The following TMEM135 variants were observed in gnomAD, a reference collection of about 807,000 sequenced individuals.
TMEM135 encodes peroxisomal membrane protein 52.
Under a neutral mutation model 60.3 loss-of-function variants are expected in TMEM135, and 30 were observed. The observed-to-expected ratio is 0.50, with a 90% confidence interval of 0.37 to 0.68. The LOEUF is 0.68. Among genes scored for constraint, TMEM135 ranks in the 30% least tolerant of loss-of-function variants. TMEM135 has a pLI of 0.00. For missense variants in TMEM135, 468 were observed against 548.8 expected (o/e 0.85, Z 1.47); for synonymous variants, 190 against 186.7 (o/e 1.02, Z -0.14).
intron 4 of TMEM135, chr11:87,095,031 A>G (rs903040620): frequency 1.6e-5 from 3 of 187,218 alleles, no homozygotes; most frequent in East Asian, 1.2e-4. Context: ...GGGGTGTTCA[A>G]TGGGTTTCCA....
intron 5 of TMEM135, 69 bp from the exon 6 acceptor site, chr11:87,236,569 C>T: frequency 7.2e-7 from 1 of 1,387,886 alleles, no homozygotes; most frequent in Non-Finnish European, 1.0e-6. Flanking sequence ...TAGTATTTTG[C>T]TTTTATGAGT....
intron 6 of TMEM135, among the ~76,000 whole-genome samples, chr11:87,238,765 T>C (rs1941063438): frequency 6.6e-6 from 1 of 152,044 alleles, no homozygotes; most frequent in African/African-American, 2.4e-5. Context: ...CCTGAAGATA[T>C]AGCATACCCA....
At chr11:87,169,743 T>C (rs1050948169) in intron 5 of TMEM135, among the ~76,000 whole-genome samples, 1 of 152,168 alleles carries the variant, frequency 6.6e-6, no homozygotes, top group African/African-American at 2.4e-5. Flanking sequence ...ATATTTTCCT[T>C]CATTTCAACC....
At chr11:87,058,125 GC>G (rs773902875) in intron 1 of TMEM135, among the ~76,000 whole-genome samples, 20 of 152,156 alleles carry the variant, frequency 1.3e-4, no homozygotes, top group Non-Finnish European at 2.4e-4. Context: ...AGAGGATGAA[GC>G]CTACTCACAT....
chr11:87,089,457 C>G (rs911219468), intron 3 of TMEM135, among the ~76,000 whole-genome samples: 1 of 152,166 alleles, frequency 6.6e-6, no homozygotes, highest in Non-Finnish European at 1.5e-5. Flanking sequence ...GCAGTAAGAT[C>G]ACTTGAGCCC....
At chr11:87,130,201 G>C (rs757447592) in intron 4 of TMEM135, among the ~76,000 whole-genome samples, 40 of 150,934 alleles carry the variant, frequency 2.7e-4, no homozygotes, top group Middle Eastern at 3.2e-3. Flanking sequence ...AAGGAGTCTT[G>C]AGAGTACCAG....
chr11:87,259,989 G>A (rs549294508), intron 6 of TMEM135, among the ~76,000 whole-genome samples: 1 of 152,268 alleles, frequency 6.6e-6, no homozygotes, highest in Admixed American at 6.5e-5. Context: ...TAAAGAGGAG[G>A]AGAACACAGC....
At chr11:87,089,457 C>A (rs911219468) in intron 3 of TMEM135, among the ~76,000 whole-genome samples, 1 of 152,048 alleles carries the variant, frequency 6.6e-6, no homozygotes, top group Non-Finnish European at 1.5e-5. Context: ...GCAGTAAGAT[C>A]ACTTGAGCCC....
chr11:87,120,472 C>CTTTTCTT (rs1555106509), intron 4 of TMEM135, among the ~76,000 whole-genome samples: 6 of 104,226 alleles, frequency 5.8e-5, no homozygotes, highest in African/African-American at 1.8e-4. Flanking sequence ...GATGAAATTT[C>CTTTTCTT]TTTTTTTTTT....
chr11:87,320,953 G>T (rs181239455), intron 14 of TMEM135, among the ~76,000 whole-genome samples: 17 of 152,192 alleles, frequency 1.1e-4, no homozygotes, highest in African/African-American at 3.4e-4. Flanking sequence ...TGTAATCTCT[G>T]CGGTTTCAGA....
At chr11:87,191,186 A>G (rs1357555954) in intron 5 of TMEM135, among the ~76,000 whole-genome samples, 5 of 151,880 alleles carry the variant, frequency 3.3e-5, no homozygotes, top group African/African-American at 1.2e-4. Context: ...GCAAGGAGGA[A>G]GCCACAATGT....
intron 4 of TMEM135, among the ~76,000 whole-genome samples, chr11:87,141,156 A>C (rs1407414624): frequency 6.6e-6 from 1 of 151,788 alleles, no homozygotes; most frequent in African/African-American, 2.4e-5. Flanking sequence ...TTTGATTGAG[A>C]TTGCTTTGAC....
chr11:87,073,322 C>T (rs1262681035), intron 3 of TMEM135, among the ~76,000 whole-genome samples: 1 of 152,066 alleles, frequency 6.6e-6, no homozygotes, highest in East Asian at 1.9e-4. Flanking sequence ...TGTGAGCCAT[C>T]GCACCCGGCC....
In TMEM135 at chr11:87,297,260, T is replaced by C. The variant is rs141199983; in HGVS notation, c.551+1437T>C. Reference sequence around the variant, plus strand: ...CCCAGCCACGTATTGAAAACCAAAGTGCCTGAAAGAAGGTGCTATTAACAG... The same window carrying C: ...CCCAGCCACGTATTGAAAACCAAAGCGCCTGAAAGAAGGTGCTATTAACAG... On this transcript the variant is annotated intron_variant, in intron 7 of 14. Coordinates refer to ENST00000305494, the MANE Select transcript of TMEM135 (RefSeq NM_022918.4). Among the ~76,000 whole-genome samples the C allele has an allele frequency of 1.4e-4, 22 of 152,278 alleles. No individual in the cohort carries two copies. The East Asian group carries it at 4.2e-3, about 29-fold the overall frequency.
At chr11:87,305,105 A>G (rs1354061004) in intron 8 of TMEM135, among the ~76,000 whole-genome samples, 1 of 152,180 alleles carries the variant, frequency 6.6e-6, no homozygotes, top group East Asian at 1.9e-4. Flanking sequence ...TTGAATTCTA[A>G]TACTATATCA....
intron 4 of TMEM135, among the ~76,000 whole-genome samples, chr11:87,111,122 C>T (rs576203728): frequency 6.6e-6 from 1 of 152,280 alleles, no homozygotes; most frequent in Admixed American, 6.5e-5. Context: ...AAGCTTAGGA[C>T]TCCTTAGCAA....
rs527394725 is a variant in TMEM135, at chr11:87,240,193, G to A, written c.509+3509G>A. On this transcript the variant is annotated intron_variant, in intron 6 of 14. Coordinates refer to ENST00000305494, the MANE Select transcript of TMEM135 (RefSeq NM_022918.4). ...CCATACATGCTATGGATTCTGTTAG[G>A]AACTGGATTACAAGGGAAGGTGAAA... Among the ~76,000 whole-genome samples the A allele has an allele frequency of 2.9e-4, 44 of 152,206 alleles. No individual in the cohort carries two copies. In the South Asian group the frequency reaches 6.6e-3, roughly 23 times the overall value.
At chr11:87,158,571 C>G (rs776276002) in intron 5 of TMEM135, among the ~76,000 whole-genome samples, 1 of 151,478 alleles carries the variant, frequency 6.6e-6, no homozygotes, top group African/African-American at 2.4e-5. Context: ...ATGCCATTCT[C>G]CTGCCTCAGC....
At chr11:87,191,982 CTTTTCTT>C (rs1939812718) in intron 5 of TMEM135, among the ~76,000 whole-genome samples, 4 of 93,988 alleles carry the variant, frequency 4.3e-5, no homozygotes, top group African/African-American at 9.1e-5. Flanking sequence ...CTTTTCTTTT[CTTTTCTT>C]TTTTTTTTTT....
Sources: allele counts gnomAD v4.1 joint callset (sites outside exome capture counted in the v4.1 genomes callset), GRCh38; gene constraint gnomAD v4.1.1; transcripts MANE v1.5; gene names NCBI Gene and HGNC (gene_info 2026-07-23, HGNC 2026-07-21).